The following PROK2 variants were observed in gnomAD, a reference collection of about 807,000 sequenced individuals.
PROK2 encodes prokineticin-2.
PROK2 carries 8 observed loss-of-function variants against 14.2 expected under a neutral mutation model. That is an observed-to-expected ratio of 0.56 (90% CI 0.33 to 1.02). The LOEUF is 1.02. Among genes scored for constraint, PROK2 ranks in the 50% least tolerant of loss-of-function variants. The pLI, the probability that PROK2 is intolerant of heterozygous loss-of-function variation, is 0.03. For synonymous variants in PROK2, 59 were observed against 60.7 expected (o/e 0.97, Z 0.13); for missense variants, 154 against 160.4 (o/e 0.96, Z 0.22).
intron 2 of PROK2, among the ~76,000 whole-genome samples, chr3:71,776,363 C>CTTTTTTTTTTTTTTTTTTTTTTTTTTTTT: frequency 1.1e-5 from 1 of 92,070 alleles, no homozygotes; most frequent in South Asian, 3.8e-4. Context: ...TTTCGCTTTT[C>CTTTTTTTTTTTTTTTTTTTTTTTTTTTTT]ATTTTTTTTT....
chr3:71,773,646 T>C (rs1183186273), intron 3 of PROK2, among the ~76,000 whole-genome samples: 1 of 152,184 alleles, frequency 6.6e-6, no homozygotes, highest in Admixed American at 6.5e-5. Context: ...TGCACACAGA[T>C]GCCAGGAGTC....
At chr3:71,784,853 C>T (rs1357191111) in intron 1 of PROK2, 104 bp downstream of exon 1, 5 of 1,021,248 alleles carry the variant, frequency 4.9e-6, no homozygotes. Flanking sequence ...CCCAGGGCGA[C>T]CCTCCCTTTG....
chr3:71,776,338 CTTTTCTTT>C (rs1327496902), intron 2 of PROK2, among the ~76,000 whole-genome samples: 4 of 135,052 alleles, frequency 3.0e-5, no homozygotes, highest in African/African-American at 1.1e-4. Flanking sequence ...TTTCTCTCTT[CTTTTCTTT>C]TTTTCTTTTC....
intron 2 of PROK2, among the ~76,000 whole-genome samples, chr3:71,778,926 C>G (rs915373948): frequency 1.3e-5 from 2 of 152,096 alleles, no homozygotes; most frequent in Non-Finnish European, 2.9e-5. Flanking sequence ...ATCTGAAAAC[C>G]ATACTCTATT....
chr3:71,777,543 T>C (rs1356913622), intron 2 of PROK2, among the ~76,000 whole-genome samples: 1 of 152,050 alleles, frequency 6.6e-6, no homozygotes, highest in Non-Finnish European at 1.5e-5. Flanking sequence ...TTATTTGAAT[T>C]TTTTTCCTTC....
At chr3:71,784,438 A>G (rs969417378) in intron 1 of PROK2, among the ~76,000 whole-genome samples, 5 of 152,184 alleles carry the variant, frequency 3.3e-5, no homozygotes, top group Admixed American at 2.6e-4. Context: ...AAGCGCTCAC[A>G]TGGCCCTGGA....
chr3:71,774,659 C>T (rs2050104842), intron 2 of PROK2, among the ~76,000 whole-genome samples, 152 bp from the exon 3 acceptor site: 1 of 152,082 alleles, frequency 6.6e-6, no homozygotes, highest in Non-Finnish European at 1.5e-5. Flanking sequence ...TCATGACTTC[C>T]CAGGTTCTAA....
intron 2 of PROK2, among the ~76,000 whole-genome samples, chr3:71,781,245 G>C (rs566713306): frequency 6.6e-6 from 1 of 152,148 alleles, no homozygotes; most frequent in Non-Finnish European, 1.5e-5. Context: ...AACACCATGA[G>C]AGCAGTAACA....
At chr3:71,783,721 T>G (rs1352426293) in intron 1 of PROK2, among the ~76,000 whole-genome samples, 2 of 152,214 alleles carry the variant, frequency 1.3e-5, no homozygotes, top group East Asian at 3.8e-4. Flanking sequence ...TCCAATCATG[T>G]TTCAATTCTC....
intron 2 of PROK2, among the ~76,000 whole-genome samples, chr3:71,779,010 C>T (rs149797164): frequency 1.3e-5 from 2 of 152,322 alleles, no homozygotes; most frequent in African/African-American, 2.4e-5. Flanking sequence ...TGCAAGAAGA[C>T]TGCATTTGTT....
intron 1 of PROK2, among the ~76,000 whole-genome samples, chr3:71,783,701 G>C (rs537980976): frequency 6.6e-6 from 1 of 152,188 alleles, no homozygotes; most frequent in East Asian, 1.9e-4. Context: ...GGAGAAGAGG[G>C]AGAAAAAAAT....
chr3:71,785,046 T>C lies in PROK2; in HGVS notation c.7A>G (p.Ser3Gly), dbSNP rs2050202850. 1.6e-6 allele frequency: 2 copies of C among 1,239,352 alleles called. No homozygotes were observed. The highest frequency in any genetic ancestry group is 2.0e-6 in the Non-Finnish European group (2 of 987,784). The allele number at this position is 1,239,352 out of a possible 1,614,324, so 76.8% of individuals were successfully genotyped here. A position where few individuals can be genotyped will look rare whatever the true frequency, so the allele number is the denominator to read the frequency against. The change falls in exon 1 of 4, where the codon AGC becomes GGC. Residue 3 changes from serine (S) to glycine (G), a missense_variant. Transcript: ENST00000295619. ...AGCAGGAGTGGGGCGCAGCACAGGC[T>C]CCTCATGGCGCCCTCGGGACTGGGC... MR[S>G]LCCAPLLLLL... is the part of the protein sequence containing the mutation.
chr3:71,772,649 T>G lies in PROK2; in HGVS notation c.*75A>C, dbSNP rs2050088863. 2.3e-6 allele frequency: 3 copies of G among 1,311,366 alleles called. No homozygotes were observed. The South Asian group carries it at 3.6e-5, about 16-fold the overall frequency. The allele number at this position is 1,311,366 out of a possible 1,614,324, so 81.2% of individuals were successfully genotyped here. ...AGAGCATTTCTTTCTGGCACATTTT[T>G]TGTTTGGCACAATCACAAGTAAGAC... On this transcript the variant is annotated 3_prime_UTR_variant, in exon 4 of 4. Transcript: ENST00000295619.
intron 2 of PROK2, among the ~76,000 whole-genome samples, chr3:71,775,047 T>C (rs533123102): frequency 6.6e-6 from 1 of 152,292 alleles, no homozygotes; most frequent in Admixed American, 6.5e-5. Context: ...TCTAGGCGTC[T>C]AGTGGGTAGA....
intron 1 of PROK2, 41 bp from the exon 2 acceptor site, chr3:71,781,633 A>G: frequency 6.3e-7 from 1 of 1,593,876 alleles, no homozygotes; most frequent in Non-Finnish European, 8.6e-7. Flanking sequence ...AGATAACAGG[A>G]AAGACTCAGG....
At chr3:71,776,369 T>C (rs1221430235) in intron 2 of PROK2, among the ~76,000 whole-genome samples, 1 of 69,346 alleles carries the variant, frequency 1.4e-5, no homozygotes, top group Admixed American at 1.2e-4. Context: ...TTTTCATTTT[T>C]TTTTTTTTTT....
At chr3:71,776,306 C>A (rs2050117876) in intron 2 of PROK2, among the ~76,000 whole-genome samples, 1 of 151,410 alleles carries the variant, frequency 6.6e-6, no homozygotes, top group African/African-American at 2.4e-5. Flanking sequence ...ACGACAAAAA[C>A]CATGATTCCT....
intron 2 of PROK2, among the ~76,000 whole-genome samples, chr3:71,775,195 A>C (rs182133692): frequency 6.6e-6 from 1 of 152,364 alleles, no homozygotes; most frequent in Admixed American, 6.5e-5. Context: ...AGGAGCCTGA[A>C]GTGTGTCAGT....
intron 2 of PROK2, among the ~76,000 whole-genome samples, chr3:71,779,130 A>G (rs2050142540): frequency 6.6e-6 from 1 of 152,256 alleles, no homozygotes; most frequent in African/African-American, 2.4e-5. Context: ...ACACTCATCA[A>G]AACTATCGGA....
Sources: gnomAD v4.1 joint callset for allele counts (sites outside exome capture counted in the v4.1 genomes callset) on GRCh38, gnomAD v4.1.1 for gene constraint, MANE v1.5 for transcripts, NCBI Gene and HGNC (gene_info 2026-07-23, HGNC 2026-07-21) for gene names.